The following ABCG4 variants were observed in gnomAD, a reference collection of about 807,000 sequenced individuals.
The protein encoded by ABCG4 is ATP binding cassette subfamily G member 4, also known as ATP-binding cassette sub-family G member 4.
A neutral mutation model predicts 64.6 loss-of-function variants in ABCG4; 35 were observed. The observed-to-expected ratio is 0.54, with a 90% CI of 0.41 to 0.72. The LOEUF (loss-of-function observed/expected upper bound fraction) is 0.72, where lower values mean the gene tolerates loss of function less well. Ranked by LOEUF, ABCG4 falls within the 30% of genes least tolerant of loss-of-function variation. ABCG4 has a pLI of 0.00. For missense variants in ABCG4, 610 were observed against 846.3 expected, an observed-to-expected ratio of 0.72 and a Z score of 3.46; for synonymous variants, 326 against 348.2, an observed-to-expected ratio of 0.94 and a Z score of 0.71.
In ABCG4 at chr11:119,160,857, C is replaced by T. The variant is rs1948339557; in HGVS notation, c.1716-24C>T. ...AGCAGGGACCCTGTGTGCTGTATCC[C>T]ATCTGATATCCCTGCCTGCCTAGGT... On this transcript the variant is annotated intron_variant, in intron 14 of 14. Transcript: ENST00000619701. The surrounding 1 kb of genome is among the most constrained non-coding windows in gnomAD (Gnocchi z 4.6). 6.2e-7 allele frequency: 1 copy of T among 1,606,952 alleles called. No homozygotes were observed. The highest frequency in any genetic ancestry group is 8.5e-7 in the Non-Finnish European group (1 of 1,174,860).
In ABCG4 at chr11:119,158,174, G is replaced by A. The variant is rs1277850554; in HGVS notation, c.1069-60G>A. ...CTGAGGTTTTTCATTCACTGAGCTG[G>A]GTGTTCTGTGGGTGAATGGGGTAGG... On this transcript the variant is annotated intron_variant, in intron 9 of 14. Coordinates refer to ENST00000619701, the MANE Select transcript of ABCG4 (RefSeq NM_022169.5). This position sits in a 1 kb window ranked among gnomAD's most constrained non-coding sequence, Gnocchi z 4.5. 3.7e-6 allele frequency: 5 copies of A among 1,367,224 alleles called. No individual in the cohort carries two copies. In the African/African-American group the frequency reaches 5.8e-5, roughly 16 times the overall value. 84.7% of individuals were successfully genotyped at this position (1,367,224 alleles called of 1,614,324 possible).
rs547189545 is a variant in ABCG4, at chr11:119,149,910, G to A, written c.-12-44G>A. On this transcript the variant is annotated intron_variant, in intron 1 of 14. Coordinates refer to ENST00000619701, the MANE Select transcript of ABCG4 (RefSeq NM_022169.5). This position sits in a 1 kb window ranked among gnomAD's most constrained non-coding sequence, Gnocchi z 8.3. ...TAGAACGCCAGGGAGCTTTGAGCCG[G>A]GCTCGGTGGTCTGCCCCAAACTGAG... 4.5e-3 allele frequency: 7,033 copies of A among 1,565,664 alleles called. 32 individuals are homozygous for A. Among genetic ancestry groups the A allele is most frequent in the Non-Finnish European group, 5.4e-3 (6,225 of 1,161,476 alleles).
In ABCG4 at chr11:119,158,352, G is replaced by A. The variant is rs772229533; in HGVS notation, c.1167+20G>A. The A allele has an allele frequency of 8.7e-6, 14 of 1,612,378 alleles. 1 individual carries two copies. The highest frequency in any genetic ancestry group is 1.2e-5 in the Non-Finnish European group (14 of 1,178,580). On this transcript the variant is annotated intron_variant, in intron 10 of 14. Transcript: ENST00000619701. The surrounding 1 kb of genome is among the most constrained non-coding windows in gnomAD (Gnocchi z 4.5). Reference sequence around the variant, plus strand: ...GACACGGTGAGGCGTCAGGCTGGGGGAGAGGAGGCTGGCACAGGCCTGACC... The same window carrying A: ...GACACGGTGAGGCGTCAGGCTGGGGAAGAGGAGGCTGGCACAGGCCTGACC...
chr11:119,154,426 A>G lies in ABCG4; in HGVS notation c.489+34A>G. The G allele has an allele frequency of 6.2e-7, 1 of 1,613,854 alleles. No homozygotes were observed. The highest frequency in any genetic ancestry group is 1.1e-5 in the South Asian group (1 of 91,064). On this transcript the variant is annotated intron_variant, in intron 4 of 14. Transcript: ENST00000619701. This position sits in a 1 kb window ranked among gnomAD's most constrained non-coding sequence, Gnocchi z 7.0. ...TGGATAGTCACCCCTCCTCCCAGCA[A>G]CCCCCTCTGTCTGCTGTCGCCACCT...
At position 119,153,339 on chromosome 11, in the gene ABCG4, T is replaced by C. The variant is rs1403574712; in HGVS notation, c.239-687T>C. ...AATGCATATGCTGCCTTCCAATGAA[T>C]GAATGAAAGGTGAGATTTTACTGGG... On this transcript the variant is annotated intron_variant, in intron 2 of 14. Coordinates refer to ENST00000619701, the MANE Select transcript of ABCG4 (RefSeq NM_022169.5). The C allele has an allele frequency of 2.0e-5, 3 of 153,432 alleles. No homozygotes were observed. The Admixed American group carries it at 2.0e-4, about 10-fold the overall frequency. 9.5% of individuals were successfully genotyped at this position (153,432 alleles called of 1,614,324 possible).
chr11:119,149,682 C>T lies in ABCG4; in HGVS notation c.-12-272C>T, dbSNP rs1713866895. The stretch of plus-strand genomic sequence containing the variant: ...CCTTCAGTCCCCAGGGGCTGCTGGC[C>T]TGCGGGGTAAGGAGATTAGAGAAGC... On this transcript the variant is annotated intron_variant, in intron 1 of 14. Transcript: ENST00000619701. This position sits in a 1 kb window ranked among gnomAD's most constrained non-coding sequence, Gnocchi z 8.3. The T allele has an allele frequency of 9.9e-6, 5 of 503,912 alleles. No individual in the cohort carries two copies. The highest frequency in any genetic ancestry group is 9.8e-5 in the Admixed American group (3 of 30,578). 31.2% of individuals were successfully genotyped at this position (503,912 alleles called of 1,614,324 possible).
chr11:119,157,947 G>A (rs1948288915), intron 9 of ABCG4, among the ~76,000 whole-genome samples: 1 of 151,926 alleles, frequency 6.6e-6, no homozygotes, highest in African/African-American at 2.4e-5. Flanking sequence ...GTGTTTTGAT[G>A]GATTAAAAAA....
rs1253653951 is a variant in ABCG4 at position 119,149,685 on chromosome 11, C to A, written c.-12-269C>A. 3 of 503,858 alleles carry A rather than the reference C, an allele frequency of 6.0e-6. No homozygotes were observed. The highest frequency in any genetic ancestry group is 3.3e-5 in the Admixed American group (1 of 30,482). The allele number at this position is 503,858 out of a possible 1,614,324, so 31.2% of individuals were successfully genotyped here. On this transcript the variant is annotated intron_variant, in intron 1 of 14. Coordinates refer to ENST00000619701, the MANE Select transcript of ABCG4 (RefSeq NM_022169.5). This position sits in a 1 kb window ranked among gnomAD's most constrained non-coding sequence, Gnocchi z 8.3. ...TCAGTCCCCAGGGGCTGCTGGCCTG[C>A]GGGGTAAGGAGATTAGAGAAGCCGC...
rs1043658356 is a variant in ABCG4, at chr11:119,154,671, G to A, written c.540+96G>A. ...GAGTGGGAGAGTGGTGGCCTAGGCC[G>A]AGACAATGCACTTAAGGGAGATGCT... On this transcript the variant is annotated intron_variant, in intron 5 of 14. Coordinates refer to ENST00000619701, the MANE Select transcript of ABCG4 (RefSeq NM_022169.5). The surrounding 1 kb of genome is among the most constrained non-coding windows in gnomAD (Gnocchi z 7.0). The A allele has an allele frequency of 1.0e-5, 16 of 1,594,128 alleles. No homozygotes were observed. The African/African-American group carries it at 1.7e-4, about 17-fold the overall frequency.
Position 119,161,117 on chromosome 11 carries a change from C to T in ABCG4, c.*11C>T. ...AAGTCAGAGAGATAGAGGCTTGCCCCAGCCTGTACCCCAGCCCCTGCAGCA... is the reference window on the plus strand; with the variant it reads ...AAGTCAGAGAGATAGAGGCTTGCCCTAGCCTGTACCCCAGCCCCTGCAGCA... On this transcript the variant is annotated 3_prime_UTR_variant, in exon 15 of 15. Transcript: ENST00000619701. 1 of 1,607,940 alleles carries T rather than the reference C, an allele frequency of 6.2e-7. No individual in the cohort carries two copies. The highest frequency in any genetic ancestry group is 1.1e-5 in the South Asian group (1 of 90,832).
In ABCG4 at chr11:119,150,570, C is replaced by CAAT. The variant is rs1948183258; in HGVS notation, c.238+369_238+371dup. Among the ~76,000 whole-genome samples the CAAT allele has an allele frequency of 6.6e-6, 1 of 152,160 alleles. No individual in the cohort carries two copies. The highest frequency in any genetic ancestry group is 2.4e-5 in the African/African-American group (1 of 41,430). ...AGGGGGCTGTGTCTGCAGGGTTGAG[C>CAAT]AATACCCTTGGACCTAATTATAAAG... On this transcript the variant is annotated intron_variant, in intron 2 of 14. Transcript: ENST00000619701. This position sits in a 1 kb window ranked among gnomAD's most constrained non-coding sequence, Gnocchi z 4.3.
chr11:119,153,246 G>T (rs1015556799), intron 2 of ABCG4: 1 of 152,968 alleles, frequency 6.5e-6, no homozygotes, highest in Non-Finnish European at 1.5e-5. Context: ...CTTGCCCGAG[G>T]TCACACAGCT....
intron 2 of ABCG4, among the ~76,000 whole-genome samples, chr11:119,152,347 G>A (rs1948203326): frequency 6.6e-6 from 1 of 152,222 alleles, no homozygotes; most frequent in African/African-American, 2.4e-5. Context: ...ATCAGGACCT[G>A]GCAGCGGGCA....
chr11:119,149,865 A>G lies in ABCG4; in HGVS notation c.-12-89A>G. ...GATCTGCCCCGAGAAGGAGGTGGGC[A>G]GTGGGGGCGGGGGAAGCATTAGAAC... On this transcript the variant is annotated intron_variant, in intron 1 of 14. Coordinates refer to ENST00000619701, the MANE Select transcript of ABCG4 (RefSeq NM_022169.5). The surrounding 1 kb of genome is among the most constrained non-coding windows in gnomAD (Gnocchi z 8.3). 1 of 1,472,210 alleles carries G rather than the reference A, an allele frequency of 6.8e-7. No homozygotes were observed. Among genetic ancestry groups the G allele is most frequent in the Non-Finnish European group, 9.0e-7 (1 of 1,113,910 alleles). 91.2% of individuals were successfully genotyped at this position (1,472,210 alleles called of 1,614,324 possible).
Position 119,154,506 on chromosome 11 carries a change from C to A in ABCG4, c.490-19C>A. 1 of 1,614,128 alleles carries A rather than the reference C, an allele frequency of 6.2e-7. No homozygotes were observed. Among genetic ancestry groups the A allele is most frequent in the Non-Finnish European group, 8.5e-7 (1 of 1,180,008 alleles). On this transcript the variant is annotated intron_variant, in intron 4 of 14. Transcript: ENST00000619701. The surrounding 1 kb of genome is among the most constrained non-coding windows in gnomAD (Gnocchi z 7.0). The stretch of plus-strand genomic sequence containing the variant: ...CTCCCTCCCACACATACTTTTCTTG[C>A]TTACTCTCTGGGCCCCAGGTCTCTG...
Position 119,155,377 on chromosome 11 carries a change from A to G in ABCG4, c.686+462A>G, listed in dbSNP as rs767202365. ...CGCTCTGTCACCCAGGCTGGAGTGC[A>G]GTGGCACAATCTCGGCTCACTGCAA... On this transcript the variant is annotated intron_variant, in intron 6 of 14. Transcript: ENST00000619701. This position sits in a 1 kb window ranked among gnomAD's most constrained non-coding sequence, Gnocchi z 4.5. Among the ~76,000 whole-genome samples the G allele has an allele frequency of 6.6e-6, 1 of 152,194 alleles. No homozygotes were observed. Among genetic ancestry groups the G allele is most frequent in the Non-Finnish European group, 1.5e-5 (1 of 68,032 alleles).
At chr11:119,153,826 T>C (rs1948224732) in intron 2 of ABCG4, 200 bp from the exon 3 acceptor site, 2 of 594,582 alleles carry the variant, frequency 3.4e-6, no homozygotes. Flanking sequence ...TACTTTGATA[T>C]TAGTGGTGGT....
At chr11:119,157,122 G>A (rs1448592920) in intron 9 of ABCG4, 108 bp downstream of exon 9, 1 of 1,448,668 alleles carries the variant, frequency 6.9e-7, no homozygotes, top group Non-Finnish European at 9.2e-7. Context: ...TGCAACCAAT[G>A]GGTGCTAGGA....
In ABCG4 at chr11:119,149,836, C is replaced by T. The variant is rs1056666529; in HGVS notation, c.-12-118C>T. On this transcript the variant is annotated intron_variant, in intron 1 of 14. Transcript: ENST00000619701. This position sits in a 1 kb window ranked among gnomAD's most constrained non-coding sequence, Gnocchi z 8.3. ...GGGGGCAGAGTGCGGGGCTAACAGT[C>T]GCGGATCTGCCCCGAGAAGGAGGTG... 2.0e-5 allele frequency: 29 copies of T among 1,417,528 alleles called. No individual in the cohort carries two copies. In the African/African-American group the frequency reaches 4.2e-4, roughly 20 times the overall value. 87.8% of individuals were successfully genotyped at this position (1,417,528 alleles called of 1,614,324 possible).
Sources: gnomAD v4.1 joint callset for allele counts (sites outside exome capture counted in the v4.1 genomes callset) on GRCh38, gnomAD v4.1.1 for gene constraint, Gnocchi (gnomAD v3.1) non-coding constraint, MANE v1.5 for transcripts, NCBI Gene and HGNC (gene_info 2026-07-23, HGNC 2026-07-21) for gene names.